Variants in ZCWPW2 observed in about 807,000 individuals in gnomAD.
ZCWPW2 encodes zinc finger CW-type and PWWP domain containing 2.
Under a neutral mutation model 46.6 loss-of-function variants are expected in ZCWPW2, and 45 were observed. The observed-to-expected ratio is 0.96, with a 90% CI of 0.76 to 1.24. The LOEUF (loss-of-function observed/expected upper bound fraction) is 1.24. Ranked by LOEUF, ZCWPW2 falls within the 50% of genes most tolerant of loss-of-function variation. The pLI, the probability that ZCWPW2 is intolerant of heterozygous loss-of-function variation, is 0.00. For synonymous variants in ZCWPW2, 152 were observed against 137.1 expected (o/e 1.11, Z -0.76); for missense variants, 429 against 403.9 (o/e 1.06, Z -0.53).
intron 1 of ZCWPW2, among the ~76,000 whole-genome samples, chr3:28,380,944 A>G (rs1308905783): frequency 3.1e-5 from 1 of 32,002 alleles, no homozygotes; most frequent in Non-Finnish European, 5.4e-5. Flanking sequence ...GTATATATAT[A>G]TATATATATA....
At chr3:28,505,503 A>G (rs1275541688) in intron 6 of ZCWPW2, among the ~76,000 whole-genome samples, 1 of 152,164 alleles carries the variant, frequency 6.6e-6, no homozygotes, top group Non-Finnish European at 1.5e-5. Flanking sequence ...TTTTCAAAGG[A>G]AAGTTGAAAG....
rs532962502 is a variant in ZCWPW2, at chr3:28,466,638, A to C, written c.493-12176A>C. On this transcript the variant is annotated intron_variant, in intron 4 of 9. Coordinates refer to ENST00000383768, the MANE Select transcript of ZCWPW2 (RefSeq NM_001040432.4). ...ACATGGTGAAACCCTGTCTCTATTA[A>C]AAATACAAAAATTAGCCAAGTGTGG... is the stretch of plus-strand genomic sequence containing the variant. Among the ~76,000 whole-genome samples, 27 of 152,188 alleles carry C rather than the reference A, an allele frequency of 1.8e-4. No homozygotes were observed. In the East Asian group the frequency reaches 3.5e-3, roughly 20 times the overall value.
intron 5 of ZCWPW2, among the ~76,000 whole-genome samples, chr3:28,480,882 T>TTTTTTTTTG (rs1699404703): frequency 8.4e-6 from 1 of 119,412 alleles, no homozygotes. Context: ...TTTTTTTTTT[T>TTTTTTTTTG]TGAGACAGAG....
chr3:28,420,408 A>G (rs1375829273), intron 3 of ZCWPW2, among the ~76,000 whole-genome samples: 1 of 152,036 alleles, frequency 6.6e-6, no homozygotes, highest in Admixed American at 6.6e-5. Flanking sequence ...TCACCCCGGT[A>G]TTAAGCCTGG....
intron 4 of ZCWPW2, among the ~76,000 whole-genome samples, chr3:28,442,763 C>T (rs1575140521): frequency 7.7e-6 from 1 of 129,594 alleles, no homozygotes; most frequent in African/African-American, 2.9e-5. Flanking sequence ...ATAATCCACT[C>T]TCCAAGATCT....
chr3:28,430,399 T>G (rs1697208058), intron 3 of ZCWPW2, among the ~76,000 whole-genome samples: 2 of 151,476 alleles, frequency 1.3e-5, no homozygotes, highest in South Asian at 4.1e-4. Context: ...CACAATGCCT[T>G]GTACTCACAT....
At chr3:28,464,245 G>A (rs1466450441) in intron 4 of ZCWPW2, among the ~76,000 whole-genome samples, 1 of 152,132 alleles carries the variant, frequency 6.6e-6, no homozygotes, top group Non-Finnish European at 1.5e-5. Context: ...ACTGAAGACA[G>A]ATGGTAGCAC....
intron 5 of ZCWPW2, among the ~76,000 whole-genome samples, chr3:28,479,977 A>T (rs1256293771): frequency 6.6e-6 from 1 of 152,018 alleles, no homozygotes; most frequent in Non-Finnish European, 1.5e-5. Context: ...TATACCATTG[A>T]TGGGCATTTA....
intron 2 of ZCWPW2, among the ~76,000 whole-genome samples, chr3:28,411,273 C>A (rs908068877): frequency 4.6e-5 from 7 of 151,606 alleles, no homozygotes; most frequent in African/African-American, 1.7e-4. Context: ...TAAAAGAAAT[C>A]CATATATTTA....
chr3:28,351,683 A>T (rs1704554720), intron 1 of ZCWPW2: 1 of 151,652 alleles, frequency 6.6e-6, no homozygotes, highest in Non-Finnish European at 1.5e-5. Context: ...TTTAAATTGT[A>T]TATTTAATTT....
chr3:28,510,371 A>G (rs564915913), intron 6 of ZCWPW2, among the ~76,000 whole-genome samples: 1 of 152,302 alleles, frequency 6.6e-6, no homozygotes, highest in African/African-American at 2.4e-5. Flanking sequence ...TGACAGTGCG[A>G]TAATTCCAAC....
chr3:28,434,005 T>C (rs927723135), intron 3 of ZCWPW2, among the ~76,000 whole-genome samples: 3 of 151,718 alleles, frequency 2.0e-5, no homozygotes, highest in Admixed American at 2.0e-4. Context: ...TTCATTTTAC[T>C]GTTTAAAATT....
intron 4 of ZCWPW2, among the ~76,000 whole-genome samples, chr3:28,471,136 C>A (rs929941304): frequency 3.9e-5 from 6 of 152,012 alleles, no homozygotes; most frequent in African/African-American, 1.2e-4. Flanking sequence ...AAAGAAAAAC[C>A]AAGAACCTGA....
chr3:28,444,771 G>A (rs1036144420), intron 4 of ZCWPW2, among the ~76,000 whole-genome samples: 1 of 152,122 alleles, frequency 6.6e-6, no homozygotes, highest in African/African-American at 2.4e-5. Context: ...TTCATCATTT[G>A]CTTTCATCAC....
chr3:28,352,161 C>CG (rs1205551833), intron 1 of ZCWPW2, among the ~76,000 whole-genome samples: 2 of 147,586 alleles, frequency 1.4e-5, no homozygotes, highest in African/African-American at 5.0e-5. Context: ...CACACACACA[C>CG]ACACACGAGA....
intron 4 of ZCWPW2, among the ~76,000 whole-genome samples, chr3:28,471,548 A>T (rs1187797960): frequency 6.6e-6 from 1 of 152,224 alleles, no homozygotes. Flanking sequence ...AAAATTCAGC[A>T]TCCCTTTATG....
At chr3:28,400,822 A>T (rs1247582638) in intron 2 of ZCWPW2, among the ~76,000 whole-genome samples, 4 of 152,250 alleles carry the variant, frequency 2.6e-5, no homozygotes, top group African/African-American at 9.6e-5. Context: ...CTGGAAACAC[A>T]TCAAAACAAA....
intron 1 of ZCWPW2, among the ~76,000 whole-genome samples, chr3:28,386,725 T>A (rs1695287066): frequency 6.6e-6 from 1 of 152,206 alleles, no homozygotes; most frequent in African/African-American, 2.4e-5. Flanking sequence ...TGATTATAGA[T>A]ATTCTAAAAT....
chr3:28,384,677 A>G lies in ZCWPW2; in HGVS notation c.-133-5821A>G, dbSNP rs138247268. On this transcript the variant is annotated intron_variant, in intron 1 of 9. Coordinates refer to ENST00000383768, the MANE Select transcript of ZCWPW2 (RefSeq NM_001040432.4). ...ACCCAGGCTGGAGTGCAGTGGGACCATGTTGGCTCACTGCAACCTCCATCT... is the reference window on the plus strand; with the variant it reads ...ACCCAGGCTGGAGTGCAGTGGGACCGTGTTGGCTCACTGCAACCTCCATCT... Among the ~76,000 whole-genome samples the G allele has an allele frequency of 7.1e-3, 1,051 of 147,542 alleles. 15 individuals are homozygous for G. The highest frequency in any genetic ancestry group is 0.024 in the African/African-American group (973 of 39,762).
Sources: allele counts gnomAD v4.1 joint callset (sites outside exome capture counted in the v4.1 genomes callset), GRCh38; gene constraint gnomAD v4.1.1; transcripts MANE v1.5; gene names NCBI Gene and HGNC (gene_info 2026-07-23, HGNC 2026-07-21).